The following PAQR3 variants were observed in gnomAD, a reference collection of about 807,000 sequenced individuals.
The protein encoded by PAQR3 is progestin and adipoQ receptor family member 3.
PAQR3 carries 39 observed loss-of-function variants against 41.7 expected under a neutral mutation model. That is an observed-to-expected ratio of 0.93 (90% CI 0.72 to 1.22). The LOEUF (loss-of-function observed/expected upper bound fraction) is 1.22. PAQR3 is among the 50% of genes most tolerant of loss of function. PAQR3 has a pLI of 0.00. For synonymous variants in PAQR3, 140 were observed against 140.6 expected (o/e 1.00, Z 0.03); for missense variants, 366 against 385.6 (o/e 0.95, Z 0.42).
chr4:78,913,053 C>G lies in PAQR3; in HGVS notation c.*7486G>C, dbSNP rs78400127. The G allele has an allele frequency of 3.3e-3, 502 of 152,272 alleles. 6 individuals are homozygous for G. The highest frequency in any genetic ancestry group is 0.011 in the African/African-American group (465 of 41,552). 9.4% of individuals were successfully genotyped at this position (152,272 alleles called of 1,614,324 possible). On this transcript the variant is annotated 3_prime_UTR_variant, in exon 6 of 6. Transcript: ENST00000512733. The stretch of plus-strand genomic sequence containing the variant: ...TTTCAAGACATTTACAATGTGAAAT[C>G]ATGTTGCATTTAACAATGTACTTTA...
rs1735917549 is a variant in PAQR3, at chr4:78,923,894, T to C, written c.756A>G (p.Leu252=). 2 of 1,613,310 alleles carry C rather than the reference T, an allele frequency of 1.2e-6. No individual in the cohort carries two copies. The highest frequency in any genetic ancestry group is 1.7e-6 in the Non-Finnish European group (2 of 1,179,414). ...GCTCTGGGACTTTGGAAATGTAGAA[T>C]AGGAAAGCAAGAAGAGCAATCATAT... ...VMYMIALLAF[L]FYISKVPERY... The change falls in exon 5 of 6, where the codon CTA becomes CTG. Residue 252 remains leucine, a synonymous_variant. Coordinates refer to ENST00000512733, the MANE Select transcript of PAQR3 (RefSeq NM_001040202.2).
Position 78,918,519 on chromosome 4 carries a change from T to G in PAQR3, c.*2020A>C, listed in dbSNP as rs1189994568. On this transcript the variant is annotated 3_prime_UTR_variant, in exon 6 of 6. Transcript: ENST00000512733. Reference sequence around the variant, plus strand: ...AACTTTCTTACAATATTTAACATTTTCATACAGAGTTGAAATGTTTACATG... The same window carrying G: ...AACTTTCTTACAATATTTAACATTTGCATACAGAGTTGAAATGTTTACATG... The G allele has an allele frequency of 1.0e-6, 1 of 966,980 alleles. No homozygotes were observed. Among genetic ancestry groups the G allele is most frequent in the Non-Finnish European group, 1.2e-6 (1 of 813,012 alleles). 59.9% of individuals were successfully genotyped at this position (966,980 alleles called of 1,614,324 possible).
At chr4:78,909,782 C>A (rs1577986417), downstream of PAQR3, among the ~76,000 whole-genome samples, 2 of 152,144 alleles carry the variant, frequency 1.3e-5, no homozygotes, top group Admixed American at 1.3e-4. Context: ...TGTTTACTTA[C>A]AACCTCTGAC....
At chr4:78,923,134 T>C (rs1735832059) in intron 5 of PAQR3, among the ~76,000 whole-genome samples, 1 of 151,868 alleles carries the variant, frequency 6.6e-6, no homozygotes, top group Non-Finnish European at 1.5e-5. Flanking sequence ...CCTTTTGATG[T>C]ACATATTGTG....
At chr4:78,888,378 G>T (rs6850116) in intron 11 of PAQR3, among the ~76,000 whole-genome samples, 21,417 of 152,070 alleles carry the variant, frequency 0.14, 2,795 homozygotes, top group African/African-American at 0.35. Context: ...AATTATTACT[G>T]TCTAAAATTA....
At position 78,920,192 on chromosome 4, in the gene PAQR3, A is replaced by G; in HGVS notation, c.*347T>C. ...ATAATTAAGCACATAAGATGACTCC[A>G]TTTTCTAATGGACATGAGCCCTTCC... On this transcript the variant is annotated 3_prime_UTR_variant, in exon 6 of 6. Coordinates refer to ENST00000512733, the MANE Select transcript of PAQR3 (RefSeq NM_001040202.2). 9.9e-7 allele frequency: 1 copy of G among 1,005,668 alleles called. No homozygotes were observed. The highest frequency in any genetic ancestry group is 1.2e-6 in the Non-Finnish European group (1 of 843,374). The allele number at this position is 1,005,668 out of a possible 1,614,324, so 62.3% of individuals were successfully genotyped here.
chr4:78,895,724 A>G (rs1733667660), intron 11 of PAQR3, among the ~76,000 whole-genome samples: 1 of 152,152 alleles, frequency 6.6e-6, no homozygotes, highest in Non-Finnish European at 1.5e-5. Context: ...CTATAATATC[A>G]TTGCCAATTG....
rs371221996 is a variant in PAQR3, at chr4:78,934,723, T to C, written c.348+398A>G. ...AGCAAAACAGGACAGTAAAATATAG[T>C]ATGGAAATAACAAATACAAAAATCA... On this transcript the variant is annotated intron_variant, in intron 2 of 5. Transcript: ENST00000512733. 1.1e-4 allele frequency among the ~76,000 whole-genome samples: 16 copies of C among 152,188 alleles called. No homozygotes were observed. In the South Asian group the frequency reaches 3.3e-3, roughly 32 times the overall value.
At chr4:78,911,427 T>C (rs1353242407), downstream of PAQR3, 3 of 1,613,986 alleles carry the variant, frequency 1.9e-6, no homozygotes, top group East Asian at 6.7e-5. Context: ...TGCCCTTTGA[T>C]GAAATAACGG....
intron 2 of PAQR3, chr4:78,933,195 C>T (rs1737090202): frequency 2.2e-6 from 1 of 456,278 alleles, no homozygotes; most frequent in Non-Finnish European, 4.4e-6. Flanking sequence ...CAGGTTGGTT[C>T]TGTTCAGCAC....
chr4:78,901,336 C>T (rs1214193691), intron 11 of PAQR3, among the ~76,000 whole-genome samples: 1 of 151,982 alleles, frequency 6.6e-6, no homozygotes, highest in Non-Finnish European at 1.5e-5. Flanking sequence ...GCTGGGATTA[C>T]AGGCAAGAGC....
chr4:78,895,500 T>G (rs1733655117), intron 11 of PAQR3, among the ~76,000 whole-genome samples: 1 of 151,958 alleles, frequency 6.6e-6, no homozygotes, highest in Non-Finnish European at 1.5e-5. Context: ...ATACTTGACA[T>G]TGAGGATTCC....
In PAQR3 at chr4:78,932,566, C is replaced by T. The variant is rs539597463; in HGVS notation, c.349-2241G>A. 2.6e-3 allele frequency among the ~76,000 whole-genome samples: 394 copies of T among 152,082 alleles called. 1 individual carries two copies. Among genetic ancestry groups the T allele is most frequent in the Non-Finnish European group, 4.4e-3 (302 of 67,968 alleles). Reference sequence around the variant, plus strand: ...TTTGGGTTAAACTCATTGTTTAACGCAAATGTCCAATGTGGTTACCTCTGA... The same window carrying T: ...TTTGGGTTAAACTCATTGTTTAACGTAAATGTCCAATGTGGTTACCTCTGA... On this transcript the variant is annotated intron_variant, in intron 2 of 5. Coordinates refer to ENST00000512733, the MANE Select transcript of PAQR3 (RefSeq NM_001040202.2).
intron 11 of PAQR3, among the ~76,000 whole-genome samples, chr4:78,895,647 G>A (rs185035324): frequency 1.0e-3 from 157 of 152,276 alleles, no homozygotes; most frequent in African/African-American, 3.4e-3. Context: ...AAGTTGGGAT[G>A]TAGATGGGAA....
chr4:78,917,676 G>A lies in PAQR3; in HGVS notation c.*2863C>T. 5.2e-6 allele frequency: 2 copies of A among 386,456 alleles called. No homozygotes were observed. The highest frequency in any genetic ancestry group is 7.1e-6 in the Non-Finnish European group (2 of 282,936). The allele number at this position is 386,456 out of a possible 1,614,324, so 23.9% of individuals were successfully genotyped here. On this transcript the variant is annotated 3_prime_UTR_variant, in exon 6 of 6. Transcript: ENST00000512733. ...GATTTACAGTGGACAGGGACCTAAT[G>A]CAGCAAAGCAACCAGCAGGAATTCA...
chr4:78,912,966 T>C lies in PAQR3; in HGVS notation c.*7573A>G, dbSNP rs1466218637. Reference sequence around the variant, plus strand: ...TAATAAAGCAGATTATTGGAAAAATTGGAGGACAAGGGTTGTATAAAAATT... The same window carrying C: ...TAATAAAGCAGATTATTGGAAAAATCGGAGGACAAGGGTTGTATAAAAATT... On this transcript the variant is annotated 3_prime_UTR_variant, in exon 6 of 6. Coordinates refer to ENST00000512733, the MANE Select transcript of PAQR3 (RefSeq NM_001040202.2). 2 of 152,128 alleles carry C rather than the reference T, an allele frequency of 1.3e-5. No individual in the cohort carries two copies. Among genetic ancestry groups the C allele is most frequent in the African/African-American group, 2.4e-5 (1 of 41,436 alleles). The allele number at this position is 152,128 out of a possible 1,614,324, so 9.4% of individuals were successfully genotyped here. A position where few individuals can be genotyped will look rare whatever the true frequency, so the allele number is the denominator to read the frequency against.
chr4:78,890,736 C>T (rs913371679), intron 11 of PAQR3, among the ~76,000 whole-genome samples: 2 of 152,150 alleles, frequency 1.3e-5, no homozygotes, highest in Admixed American at 6.5e-5. Flanking sequence ...GCTCTGCAAT[C>T]AGAACTGGTT....
intron 3 of PAQR3, 39 bp from the exon 4 acceptor site, chr4:78,926,757 A>G (rs2110148277): frequency 6.4e-7 from 1 of 1,571,332 alleles, no homozygotes; most frequent in Non-Finnish European, 8.7e-7. Context: ...TCTGTTATTA[A>G]CAATAAAGGA....
At chr4:78,920,706 G>A (rs2110132455) in intron 5 of PAQR3, 25 bp from the exon 6 acceptor site, 1 of 1,590,176 alleles carries the variant, frequency 6.3e-7, no homozygotes, top group Admixed American at 1.8e-5. Flanking sequence ...GAAAGAAAAT[G>A]ATAATGATTT....
Sources: allele counts gnomAD v4.1 joint callset (sites outside exome capture counted in the v4.1 genomes callset), GRCh38; gene constraint gnomAD v4.1.1; transcripts MANE v1.5; gene names NCBI Gene and HGNC (gene_info 2026-07-23, HGNC 2026-07-21).